The following TSHZ1 variants were observed in gnomAD, a reference collection of about 807,000 sequenced individuals.
The protein encoded by TSHZ1 is teashirt zinc finger homeobox 1, also known as teashirt homolog 1.
TSHZ1 carries 12 observed loss-of-function variants against 67.1 expected under a neutral mutation model. The observed-to-expected ratio is 0.18, with a 90% CI of 0.11 to 0.29. TSHZ1 has a LOEUF of 0.29. Among genes scored for constraint, TSHZ1 ranks in the 10% least tolerant of loss-of-function variants. The pLI, the probability that TSHZ1 is intolerant of heterozygous loss-of-function variation, is 1.00. For synonymous variants in TSHZ1, 632 were observed against 622.4 expected, an observed-to-expected ratio of 1.02 and a Z score of -0.23; for missense variants, 1,305 against 1,413.9, an observed-to-expected ratio of 0.92 and a Z score of 1.23.
At chr18:75,267,407 A>C (rs566183597) in intron 1 of TSHZ1, among the ~76,000 whole-genome samples, 3 of 152,354 alleles carry the variant, frequency 2.0e-5, no homozygotes, top group African/African-American at 7.2e-5. Flanking sequence ...GAGGTTTGGC[A>C]TATGGAATAA....
intron 1 of TSHZ1, among the ~76,000 whole-genome samples, chr18:75,274,083 T>C (rs940071301): frequency 1.3e-5 from 2 of 152,100 alleles, no homozygotes; most frequent in Non-Finnish European, 2.9e-5. Flanking sequence ...GTGCTGTGCG[T>C]GTCCCCCCGA....
chr18:75,240,189 C>T (rs1568357248), intron 1 of TSHZ1, among the ~76,000 whole-genome samples: 1 of 152,302 alleles, frequency 6.6e-6, no homozygotes, highest in East Asian at 1.9e-4. Context: ...CTAAAATTTG[C>T]TTACCGTTGC....
intron 1 of TSHZ1, among the ~76,000 whole-genome samples, chr18:75,225,105 T>G (rs2022906295): frequency 6.6e-6 from 1 of 152,072 alleles, no homozygotes; most frequent in African/African-American, 2.4e-5. Context: ...TTCTGGGCCC[T>G]CCTGCCATTT....
chr18:75,277,222 T>C (rs1417394603), intron 1 of TSHZ1, among the ~76,000 whole-genome samples: 1 of 152,232 alleles, frequency 6.6e-6, no homozygotes, highest in Non-Finnish European at 1.5e-5. Flanking sequence ...AGCTTCAGTC[T>C]TAACTGAAGG....
intron 1 of TSHZ1, among the ~76,000 whole-genome samples, chr18:75,235,217 T>C (rs950484265): frequency 6.6e-6 from 1 of 152,170 alleles, no homozygotes; most frequent in African/African-American, 2.4e-5. Flanking sequence ...GAAATAAATA[T>C]TGACATTAAA....
intron 1 of TSHZ1, among the ~76,000 whole-genome samples, chr18:75,270,922 G>T (rs903550597): frequency 1.3e-5 from 2 of 152,178 alleles, no homozygotes; most frequent in Admixed American, 6.5e-5. Flanking sequence ...AAAGGAGGCC[G>T]AAGGGAAAGA....
At chr18:75,276,760 A>G (rs541701445) in intron 1 of TSHZ1, among the ~76,000 whole-genome samples, 1 of 152,348 alleles carries the variant, frequency 6.6e-6, no homozygotes, top group East Asian at 1.9e-4. Flanking sequence ...TGGTAAGATT[A>G]TATAGTTTCA....
chr18:75,286,718 C>T lies in TSHZ1; in HGVS notation c.1311C>T (p.Val437=). The T allele has an allele frequency of 6.2e-7, 1 of 1,613,922 alleles. No individual in the cohort carries two copies. The highest frequency in any genetic ancestry group is 8.5e-7 in the Non-Finnish European group (1 of 1,180,044). The part of the protein sequence containing the change: ...TLQQLTAHMM[V]TGHFLKVTTS... ...AGCAGCTCACCGCCCACATGATGGT[C>T]ACCGGGCACTTCCTGAAAGTGACCA... Residue 437 remains valine (V), a synonymous_variant, in exon 2 of 2, where the codon GTC becomes GTT. Coordinates refer to ENST00000580243, the MANE Select transcript of TSHZ1 (RefSeq NM_001308210.2). This position sits in a 1 kb window ranked among gnomAD's most constrained non-coding sequence, Gnocchi z 5.1.
chr18:75,275,292 G>A (rs2023602445), intron 1 of TSHZ1, among the ~76,000 whole-genome samples: 1 of 152,176 alleles, frequency 6.6e-6, no homozygotes, highest in African/African-American at 2.4e-5. Context: ...CATCCTCTGA[G>A]ACCCTTGGAA....
intron 1 of TSHZ1, among the ~76,000 whole-genome samples, chr18:75,275,827 G>A (rs189362442): frequency 3.3e-5 from 5 of 152,320 alleles, no homozygotes; most frequent in Admixed American, 2.6e-4. Context: ...TTTCCACCAT[G>A]TGTTAACATG....
Position 75,288,691 on chromosome 18 carries a change from C to A in TSHZ1, c.*50C>A. 1 of 1,530,122 alleles carries A rather than the reference C, an allele frequency of 6.5e-7. No homozygotes were observed. Among genetic ancestry groups the A allele is most frequent in the Non-Finnish European group, 8.8e-7 (1 of 1,140,222 alleles). 94.8% of individuals were successfully genotyped at this position (1,530,122 alleles called of 1,614,324 possible). ...GAACATTGCACTAAACGTCGTCGAG[C>A]TGCACTAGGCCTGGCCTGAGCCTCT... On this transcript the variant is annotated 3_prime_UTR_variant, in exon 2 of 2. Transcript: ENST00000580243. The surrounding 1 kb of genome is among the most constrained non-coding windows in gnomAD (Gnocchi z 4.9).
intron 1 of TSHZ1, among the ~76,000 whole-genome samples, chr18:75,270,601 G>A (rs2023545248): frequency 6.6e-6 from 1 of 152,076 alleles, no homozygotes; most frequent in African/African-American, 2.4e-5. Context: ...TTTCAATATT[G>A]CCACTGGAAA....
rs1276816750 is a variant in TSHZ1 at position 75,288,813 on chromosome 18, ATGT to A, written c.*174_*176del. The stretch of plus-strand genomic sequence containing the variant: ...TATATGCTCTCTGTCCGATCTGTGC[ATGT>A]TATTTTTCTTTTTCCGTGAGTCAAA... On this transcript the variant is annotated 3_prime_UTR_variant, in exon 2 of 2. Transcript: ENST00000580243. This position sits in a 1 kb window ranked among gnomAD's most constrained non-coding sequence, Gnocchi z 4.9. The A allele has an allele frequency of 2.7e-6, 3 of 1,105,946 alleles. No individual in the cohort carries two copies. Among genetic ancestry groups the A allele is most frequent in the Admixed American group, 7.2e-5 (2 of 27,744 alleles). 68.5% of individuals were successfully genotyped at this position (1,105,946 alleles called of 1,614,324 possible). A position where few individuals can be genotyped will look rare whatever the true frequency, so the allele number is the denominator to read the frequency against.
chr18:75,217,334 C>T (rs2581654), intron 1 of TSHZ1, among the ~76,000 whole-genome samples: 8,215 of 152,166 alleles, frequency 0.054, 728 homozygotes, highest in African/African-American at 0.18. Flanking sequence ...GTAAGGGATT[C>T]TGAATCGAAT....
At chr18:75,233,473 A>G (rs1377890181) in intron 1 of TSHZ1, among the ~76,000 whole-genome samples, 1 of 152,254 alleles carries the variant, frequency 6.6e-6, no homozygotes, top group Admixed American at 6.5e-5. Flanking sequence ...TTTAAGAAAT[A>G]TAAGAAGATG....
rs1445054792 is a variant in TSHZ1 at position 75,286,796 on chromosome 18, G to C, written c.1389G>C (p.Glu463Asp). The C allele has an allele frequency of 6.2e-7, 1 of 1,613,736 alleles. No homozygotes were observed. The highest frequency in any genetic ancestry group is 1.3e-5 in the African/African-American group (1 of 75,048). Residue 463 changes from glutamate (E) to aspartate (D), a missense_variant, in exon 2 of 2, where the codon GAG (glutamate) becomes GAC (aspartate). Transcript: ENST00000580243. This position sits in a 1 kb window ranked among gnomAD's most constrained non-coding sequence, Gnocchi z 5.1. ...TGGTGCTGGACCCTGTGGTGGAAGAGAAGATCCAGTCCATCCCACTACCGC... is the reference window on the plus strand; with the variant it reads ...TGGTGCTGGACCCTGTGGTGGAAGACAAGATCCAGTCCATCCCACTACCGC... Reference protein sequence around the residue: ...KQLVLDPVVEEKIQSIPLPPT... With the variant: ...KQLVLDPVVEDKIQSIPLPPT...
intron 1 of TSHZ1, among the ~76,000 whole-genome samples, chr18:75,270,703 G>A (rs748621756): frequency 2.6e-5 from 4 of 152,154 alleles, no homozygotes; most frequent in African/African-American, 2.4e-5. Flanking sequence ...GGCTACTGTC[G>A]TGAGTATTTA....
At chr18:75,255,759 A>T (rs554474016) in intron 1 of TSHZ1, among the ~76,000 whole-genome samples, 1 of 152,354 alleles carries the variant, frequency 6.6e-6, no homozygotes, top group African/African-American at 2.4e-5. Flanking sequence ...GAATTGTTCC[A>T]GTGATGCTGC....
At chr18:75,279,600 T>C (rs2023660260) in intron 1 of TSHZ1, among the ~76,000 whole-genome samples, 1 of 151,998 alleles carries the variant, frequency 6.6e-6, no homozygotes, top group Non-Finnish European at 1.5e-5. Context: ...GCCACTGTGG[T>C]TGGGGACCTG....
Sources: allele counts gnomAD v4.1 joint callset (sites outside exome capture counted in the v4.1 genomes callset), GRCh38; gene constraint gnomAD v4.1.1; non-coding constraint Gnocchi (gnomAD v3.1); transcripts MANE v1.5; gene names NCBI Gene and HGNC (gene_info 2026-07-23, HGNC 2026-07-21).